Variants in VAMP7 observed in about 807,000 individuals in gnomAD.
VAMP7 encodes vesicle-associated membrane protein 7.
Under a neutral mutation model 29.6 loss-of-function variants are expected in VAMP7, and 14 were observed. The observed-to-expected ratio is 0.47, with a 90% CI of 0.31 to 0.74. VAMP7 has a LOEUF of 0.74. VAMP7 is among the 30% of genes least tolerant of loss of function. VAMP7 has a pLI of 0.05. For synonymous variants in VAMP7, 95 were observed against 88.1 expected, an observed-to-expected ratio of 1.08 and a Z score of -0.44; for missense variants, 223 against 262.4, an observed-to-expected ratio of 0.85 and a Z score of 1.04.
At chrX:155,925,165 T>A (rs1218379626) in intron 6 of VAMP7, among the ~76,000 whole-genome samples, 1 of 152,138 alleles carries the variant, frequency 6.6e-6, no homozygotes, top group Non-Finnish European at 1.5e-5. Flanking sequence ...TTTGTGAGGG[T>A]TGTAATCAGT....
chrX:155,934,970 G>A (rs2066625593), intron 6 of VAMP7, among the ~76,000 whole-genome samples: 1 of 152,078 alleles, frequency 6.6e-6, no homozygotes. Flanking sequence ...AGCTTAGTTT[G>A]GCTGGATATG....
intron 5 of VAMP7, 68 bp from the exon 6 acceptor site, chrX:155,919,745 T>C: frequency 7.0e-7 from 1 of 1,428,204 alleles, no homozygotes; most frequent in Admixed American, 1.8e-5. Flanking sequence ...TATATTACTT[T>C]TTTAAAAAAA....
At chrX:155,911,468 GT>G (rs1339135970) in intron 5 of VAMP7, among the ~76,000 whole-genome samples, 1 of 152,000 alleles carries the variant, frequency 6.6e-6, no homozygotes, top group Admixed American at 6.6e-5. Context: ...TTTTAGGATT[GT>G]TTTTTCTGTT....
intron 6 of VAMP7, among the ~76,000 whole-genome samples, chrX:155,932,895 G>C (rs2066584723): frequency 6.6e-6 from 1 of 152,114 alleles, no homozygotes; most frequent in African/African-American, 2.4e-5. Context: ...CTAATTTATT[G>C]AGAGTTTTTA....
chrX:155,881,840 T>G (rs942743790), intron 1 of VAMP7, among the ~76,000 whole-genome samples: 2 of 152,182 alleles, frequency 1.3e-5, no homozygotes, highest in Non-Finnish European at 2.9e-5. Context: ...TCTGGCTGTT[T>G]ATGCTCCTTC....
intron 5 of VAMP7, among the ~76,000 whole-genome samples, chrX:155,903,352 A>G (rs961099869): frequency 1.1e-4 from 16 of 152,158 alleles, no homozygotes; most frequent in Non-Finnish European, 2.4e-4. Context: ...AAAATTGACA[A>G]ATGCGATCTA....
intron 5 of VAMP7, among the ~76,000 whole-genome samples, chrX:155,901,478 T>C (rs190873443): frequency 4.6e-5 from 7 of 152,202 alleles, no homozygotes; most frequent in African/African-American, 1.7e-4. Context: ...AATCGACTCC[T>C]TTTAAATGAC....
intron 5 of VAMP7, among the ~76,000 whole-genome samples, chrX:155,909,811 A>G (rs2056326506): frequency 6.6e-6 from 1 of 152,078 alleles, no homozygotes; most frequent in South Asian, 2.1e-4. Flanking sequence ...AGTGTCTTTT[A>G]TTTAATTGAT....
At chrX:155,920,985 G>C (rs1223392921) in intron 6 of VAMP7, among the ~76,000 whole-genome samples, 1 of 152,122 alleles carries the variant, frequency 6.6e-6, no homozygotes, top group East Asian at 1.9e-4. Context: ...CTGGGTTCTA[G>C]ATCTCACTTT....
At chrX:155,931,070 A>G (rs781118112) in intron 6 of VAMP7, among the ~76,000 whole-genome samples, 10 of 152,288 alleles carry the variant, frequency 6.6e-5, no homozygotes, top group African/African-American at 2.2e-4. Context: ...GTAGTATTTC[A>G]TAGTGTATAC....
chrX:155,898,318 T>C (rs2066014629), intron 4 of VAMP7, 69 bp downstream of exon 4: 5 of 1,563,820 alleles, frequency 3.2e-6, no homozygotes, highest in Non-Finnish European at 2.6e-6. Context: ...ACTATGAATC[T>C]AGGGGGCCCT....
At chrX:155,937,212 A>G (rs974483577) in intron 6 of VAMP7, among the ~76,000 whole-genome samples, 1 of 152,210 alleles carries the variant, frequency 6.6e-6, no homozygotes, top group African/African-American at 2.4e-5. Context: ...TGGAATCTAA[A>G]AAAAATGTTC....
intron 6 of VAMP7, among the ~76,000 whole-genome samples, chrX:155,932,223 A>T (rs761834666): frequency 6.6e-6 from 1 of 152,294 alleles, no homozygotes; most frequent in South Asian, 2.1e-4. Flanking sequence ...ACTTTAAAGT[A>T]GTTTTTTCCA....
rs2066774534 is a variant in VAMP7, at chrX:155,943,329, T to A, written c.*1378T>A. 1 of 152,274 alleles carries A rather than the reference T, an allele frequency of 6.6e-6. No individual in the cohort carries two copies. The highest frequency in any genetic ancestry group is 1.5e-5 in the Non-Finnish European group (1 of 67,984). The allele number at this position is 152,274 out of a possible 1,614,324, so 9.4% of individuals were successfully genotyped here. On this transcript the variant is annotated 3_prime_UTR_variant, in exon 8 of 8. Transcript: ENST00000286448. ...GTGCCTTGAACATATATGTGTCCCA[T>A]AATCTGGCTCATGGTACCTGTTCTT...
chrX:155,939,640 T>C, intron 6 of VAMP7, 61 bp from the exon 7 acceptor site: 3 of 1,178,942 alleles, frequency 2.5e-6, no homozygotes, highest in East Asian at 4.7e-5. Context: ...TCTCAGGTTG[T>C]TACTGCAAAT....
intron 1 of VAMP7, among the ~76,000 whole-genome samples, chrX:155,885,023 A>G (rs1341415085): frequency 6.6e-6 from 1 of 152,218 alleles, no homozygotes; most frequent in Non-Finnish European, 1.5e-5. Context: ...TATCCATGAC[A>G]TTTACACTGT....
chrX:155,886,109 A>G (rs1569430564), intron 1 of VAMP7, among the ~76,000 whole-genome samples: 1 of 151,994 alleles, frequency 6.6e-6, no homozygotes, highest in Non-Finnish European at 1.5e-5. Context: ...TCTCTGGCTT[A>G]TCTTTTCATT....
chrX:155,908,615 C>CTTG (rs112977229), intron 5 of VAMP7, among the ~76,000 whole-genome samples: 2 of 151,304 alleles, frequency 1.3e-5, no homozygotes, highest in Non-Finnish European at 2.9e-5. Context: ...CTTGTGATGT[C>CTTG]TTTGGTTTTG....
intron 6 of VAMP7, among the ~76,000 whole-genome samples, chrX:155,921,854 C>A (rs1233861889): frequency 6.6e-6 from 1 of 152,036 alleles, no homozygotes; most frequent in African/African-American, 2.4e-5. Flanking sequence ...GACCCCACAA[C>A]AATGTGTATC....
Sources: gnomAD v4.1 joint callset for allele counts (sites outside exome capture counted in the v4.1 genomes callset) on GRCh38, gnomAD v4.1.1 for gene constraint, MANE v1.5 for transcripts, NCBI Gene and HGNC (gene_info 2026-07-23, HGNC 2026-07-21) for gene names.